The following TRPC5 variants were observed in gnomAD, a reference collection of about 807,000 sequenced individuals.
TRPC5 encodes transient receptor potential cation channel subfamily C member 5.
In TRPC5, 9 loss-of-function variants were observed where a neutral mutation model predicts 56.5. The observed-to-expected ratio is 0.16, with a 90% CI of 0.10 to 0.28. TRPC5 has a LOEUF of 0.28. Ranked by LOEUF, TRPC5 falls within the 10% of genes least tolerant of loss-of-function variation. The probability of loss-of-function intolerance (pLI) is 1.00; values close to 1 mark genes in which losing one functional copy is unlikely to be tolerated. For synonymous variants in TRPC5, 282 were observed against 278.5 expected (o/e 1.01, Z -0.13); for missense variants, 469 against 748.9 (o/e 0.63, Z 4.36).
intron 1 of TRPC5, among the ~76,000 whole-genome samples, chrX:111,968,995 T>G (rs1569528882): frequency 1.0e-5 from 1 of 98,572 alleles, no homozygotes; most frequent in Non-Finnish European, 2.1e-5. Context: ...TAAAATAAAA[T>G]AAAATAAAAT....
At chrX:112,030,340 T>C (rs1278732082) in intron 1 of TRPC5, among the ~76,000 whole-genome samples, 2 of 112,655 alleles carry the variant, frequency 1.8e-5, no homozygotes, top group Non-Finnish European at 3.7e-5. Context: ...CGAAGATATG[T>C]GACTTGCCCG....
intron 3 of TRPC5, chrX:111,901,952 C>T: frequency 3.5e-6 from 4 of 1,154,303 alleles, no homozygotes; most frequent in Non-Finnish European, 4.6e-6. Flanking sequence ...TCTACAAGTA[C>T]AAGAAGTTCC....
intron 1 of TRPC5, among the ~76,000 whole-genome samples, chrX:112,021,646 C>T (rs1032948830): frequency 1.8e-5 from 2 of 112,072 alleles, no homozygotes; most frequent in African/African-American, 6.5e-5. Context: ...CTTGATGTTC[C>T]CATGCAAATG....
chrX:111,994,703 T>TTGTC (rs1291628073), intron 1 of TRPC5, among the ~76,000 whole-genome samples: 1 of 111,514 alleles, frequency 9.0e-6, no homozygotes, highest in Non-Finnish European at 1.9e-5. Context: ...GGCTATCTGT[T>TTGTC]TGTCTGTTAA....
chrX:112,018,743 C>T (rs1929192656), intron 1 of TRPC5, among the ~76,000 whole-genome samples: 1 of 112,365 alleles, frequency 8.9e-6, no homozygotes, highest in Non-Finnish European at 1.9e-5. Flanking sequence ...GTACAGCATG[C>T]TTTGATTTTC....
At chrX:111,959,245 T>C (rs1927312907) in intron 1 of TRPC5, among the ~76,000 whole-genome samples, 1 of 112,215 alleles carries the variant, frequency 8.9e-6, no homozygotes, top group Admixed American at 9.5e-5. Context: ...AGTGGACACA[T>C]ATGATATAAA....
rs1000189948 is a variant in TRPC5 at position 111,996,559 on chromosome X, G to A, written c.-21-44118C>T. Among the ~76,000 whole-genome samples, 4 of 110,728 alleles carry A rather than the reference G, an allele frequency of 3.6e-5. No individual in the cohort carries two copies. In the Admixed American group the frequency reaches 3.9e-4, roughly 11 times the overall value. ...ATCCTTGTTAACCTTCCGTCTCTTT[G>A]GTGTCTAATATTGACAGTGGGGTGT... On this transcript the variant is annotated intron_variant, in intron 1 of 10. Transcript: ENST00000262839.
At chrX:111,994,837 T>C (rs1263300097) in intron 1 of TRPC5, among the ~76,000 whole-genome samples, 2 of 112,210 alleles carry the variant, frequency 1.8e-5, no homozygotes, top group African/African-American at 6.5e-5. Flanking sequence ...TATACAATCA[T>C]GTCATCTCCA....
At chrX:111,820,373 C>G (rs1479624725) in intron 7 of TRPC5, among the ~76,000 whole-genome samples, 5 of 112,087 alleles carry the variant, frequency 4.5e-5, no homozygotes, top group Admixed American at 9.5e-5. Flanking sequence ...TTTGAAGCAA[C>G]TACAGTAGGA....
chrX:111,855,415 G>T (rs1274533919), intron 3 of TRPC5, among the ~76,000 whole-genome samples: 3 of 111,620 alleles, frequency 2.7e-5, no homozygotes, highest in Non-Finnish European at 5.6e-5. Flanking sequence ...GTGATAACCT[G>T]GTGTGATCTA....
intron 2 of TRPC5, among the ~76,000 whole-genome samples, chrX:111,913,459 G>A (rs999030244): frequency 9.0e-6 from 1 of 110,855 alleles, no homozygotes; most frequent in African/African-American, 3.3e-5. Flanking sequence ...TTAGGGTCAG[G>A]AAGAAGTACT....
intron 1 of TRPC5, among the ~76,000 whole-genome samples, chrX:112,080,395 T>TACACACACACAC (rs201063739): frequency 1.4e-3 from 112 of 79,167 alleles, no homozygotes; most frequent in Middle Eastern, 6.8e-3. Context: ...AAAAACTACA[T>TACACACACACAC]ACACACACAC....
chrX:111,776,173 A>G lies in TRPC5; in HGVS notation c.*140T>C, dbSNP rs749286886. 7 of 562,340 alleles carry G rather than the reference A, an allele frequency of 1.2e-5. No individual in the cohort carries two copies. In the African/African-American group the frequency reaches 1.4e-4, roughly 11 times the overall value. 46.3% of individuals were successfully genotyped at this position (562,340 alleles called of 1,213,427 possible). A position where few individuals can be genotyped will look rare whatever the true frequency, so the allele number is the denominator to read the frequency against. On this transcript the variant is annotated 3_prime_UTR_variant, in exon 11 of 11. Coordinates refer to ENST00000262839, the MANE Select transcript of TRPC5 (RefSeq NM_012471.3). ...AAGAACAAAAATGGAGAATGTGGCT[A>G]TAAAAGATGGTGCAAATAAGAGTTT...
At chrX:112,055,883 G>C (rs1380540877) in intron 1 of TRPC5, among the ~76,000 whole-genome samples, 1 of 110,066 alleles carries the variant, frequency 9.1e-6, no homozygotes, top group Non-Finnish European at 1.9e-5. Context: ...GTTGTAGTAA[G>C]GGGGAGGGAG....
At chrX:111,852,675 C>T (rs1207396639) in intron 4 of TRPC5, among the ~76,000 whole-genome samples, 1 of 111,938 alleles carries the variant, frequency 8.9e-6, no homozygotes, top group East Asian at 2.8e-4. Context: ...CTGGGTACTA[C>T]TCTTAGCATT....
chrX:111,895,017 G>C (rs779710533), intron 3 of TRPC5, among the ~76,000 whole-genome samples: 1 of 111,278 alleles, frequency 9.0e-6, no homozygotes, highest in Non-Finnish European at 1.9e-5. Context: ...CCTGTATCTT[G>C]GTGGATATTT....
intron 5 of TRPC5, among the ~76,000 whole-genome samples, chrX:111,849,805 C>T (rs1034863774): frequency 3.6e-5 from 4 of 112,148 alleles, no homozygotes; most frequent in African/African-American, 1.3e-4. Flanking sequence ...GCAGAATCTA[C>T]AGCTCAGAAA....
At chrX:111,870,590 A>G (rs1458940907) in intron 3 of TRPC5, among the ~76,000 whole-genome samples, 2 of 111,683 alleles carry the variant, frequency 1.8e-5, no homozygotes, top group Non-Finnish European at 3.8e-5. Flanking sequence ...GGATAAATAA[A>G]CACCATAAAT....
At position 112,018,187 on chromosome X, in the gene TRPC5, A is replaced by G. The variant is rs781063539; in HGVS notation, c.-22+63692T>C. Among the ~76,000 whole-genome samples, 69 of 112,574 alleles carry G rather than the reference A, an allele frequency of 6.1e-4. 1 individual carries two copies. Among genetic ancestry groups the G allele is most frequent in the African/African-American group, 2.1e-3 (66 of 31,058 alleles). ...TTATATTTCTACTGGACCACACTGC[A>G]CTAGACTGTCAGCTCCATGAGGGCA... On this transcript the variant is annotated intron_variant, in intron 1 of 10. Coordinates refer to ENST00000262839, the MANE Select transcript of TRPC5 (RefSeq NM_012471.3).
Sources: gnomAD v4.1 joint callset for allele counts (sites outside exome capture counted in the v4.1 genomes callset) on GRCh38, gnomAD v4.1.1 for gene constraint, MANE v1.5 for transcripts, NCBI Gene and HGNC (gene_info 2026-07-23, HGNC 2026-07-21) for gene names.